LTBP1: variants seen among roughly 807,000 people sequenced by gnomAD.
LTBP1 encodes the protein latent transforming growth factor beta binding protein 1, also known as latent-transforming growth factor beta-binding protein 1.
In LTBP1, 129 loss-of-function variants were observed where a neutral mutation model predicts 207.6. The ratio of observed to expected loss-of-function variants is 0.62; its 90% CI spans 0.54 to 0.72. The LOEUF is 0.72. Ranked by LOEUF, LTBP1 falls within the 30% of genes least tolerant of loss-of-function variation. LTBP1 has a pLI of 0.00. For missense variants in LTBP1, 2,281 were observed against 2,217.2 expected (o/e 1.03, Z -0.58); for synonymous variants, 963 against 833.7 (o/e 1.16, Z -2.67).
At chr2:33,285,192 C>T (rs890562043) in intron 19 of LTBP1, among the ~76,000 whole-genome samples, 3 of 151,468 alleles carry the variant, frequency 2.0e-5, no homozygotes, top group African/African-American at 7.3e-5. Context: ...CAGGTGCCCG[C>T]CACCACGCTT....
intron 31 of LTBP1, among the ~76,000 whole-genome samples, chr2:33,375,019 G>A (rs2095119387): frequency 6.6e-6 from 1 of 152,116 alleles, no homozygotes; most frequent in African/African-American, 2.4e-5. Flanking sequence ...CCAAAGAAAG[G>A]TTGAAAATAC....
intron 5 of LTBP1, among the ~76,000 whole-genome samples, chr2:33,175,496 A>C (rs570470554): frequency 1.3e-5 from 2 of 152,206 alleles, no homozygotes; most frequent in Non-Finnish European, 2.9e-5. Flanking sequence ...TTAAAAAGTC[A>C]GGAAACAACA....
chr2:33,232,333 G>A (rs370141770), intron 9 of LTBP1, among the ~76,000 whole-genome samples: 65 of 152,316 alleles, frequency 4.3e-4, no homozygotes, highest in Middle Eastern at 6.8e-3. Flanking sequence ...AGAGGGTTCA[G>A]AGGAGCCTGA....
intron 5 of LTBP1, among the ~76,000 whole-genome samples, chr2:33,184,570 T>C (rs956979087): frequency 3.3e-5 from 5 of 152,324 alleles, no homozygotes; most frequent in Admixed American, 1.3e-4. Context: ...TAGAAATGTC[T>C]TTTCTCCTCT....
At chr2:33,219,876 TA>T (rs2090985478) in intron 8 of LTBP1, among the ~76,000 whole-genome samples, 1 of 152,170 alleles carries the variant, frequency 6.6e-6, no homozygotes, top group Non-Finnish European at 1.5e-5. Context: ...TTTTAATCCC[TA>T]ACTTCCACTC....
intron 19 of LTBP1, among the ~76,000 whole-genome samples, chr2:33,289,880 G>T (rs1233408577): frequency 6.6e-6 from 1 of 152,156 alleles, no homozygotes; most frequent in Non-Finnish European, 1.5e-5. Flanking sequence ...AGGCAACCAT[G>T]GGGTGGATGG....
intron 5 of LTBP1, among the ~76,000 whole-genome samples, chr2:33,140,807 A>G (rs1020876269): frequency 1.3e-5 from 2 of 151,880 alleles, no homozygotes; most frequent in African/African-American, 2.4e-5. Context: ...AGCTGGGATT[A>G]CAGGCACCTG....
At chr2:32,984,121 G>T (rs1022432507) in intron 2 of LTBP1, among the ~76,000 whole-genome samples, 8 of 152,132 alleles carry the variant, frequency 5.3e-5, no homozygotes, top group African/African-American at 1.7e-4. Flanking sequence ...CACTCTTTAA[G>T]AATGACTTTT....
At chr2:33,216,592 G>A (rs568370350) in intron 7 of LTBP1, among the ~76,000 whole-genome samples, 1 of 152,286 alleles carries the variant, frequency 6.6e-6, no homozygotes, top group Admixed American at 6.5e-5. Context: ...AAACTGTTGG[G>A]AGGATTTTTG....
chr2:33,065,644 G>T (rs1428064424), intron 3 of LTBP1, among the ~76,000 whole-genome samples: 8 of 152,088 alleles, frequency 5.3e-5, no homozygotes, highest in African/African-American at 2.4e-5. Context: ...CCTTTTTAAA[G>T]AATTTTTCCA....
intron 3 of LTBP1, among the ~76,000 whole-genome samples, chr2:33,022,074 A>C (rs1455725604): frequency 1.3e-5 from 2 of 152,142 alleles, no homozygotes; most frequent in Non-Finnish European, 2.9e-5. Flanking sequence ...ACTTGCTTGG[A>C]ATTTAGAATG....
chr2:33,199,095 T>G (rs1264344820), intron 7 of LTBP1, among the ~76,000 whole-genome samples: 3 of 152,162 alleles, frequency 2.0e-5, no homozygotes, highest in South Asian at 2.1e-4. Flanking sequence ...TCTGGTATGT[T>G]GTGTCTTTGT....
At chr2:32,973,886 A>G (rs188970094) in intron 2 of LTBP1, among the ~76,000 whole-genome samples, 1 of 152,326 alleles carries the variant, frequency 6.6e-6, no homozygotes, top group East Asian at 1.9e-4. Flanking sequence ...GTCACTTAAC[A>G]TGATGACTTC....
At chr2:33,015,378 A>G (rs944926914) in intron 2 of LTBP1, among the ~76,000 whole-genome samples, 1 of 152,198 alleles carries the variant, frequency 6.6e-6, no homozygotes, top group Non-Finnish European at 1.5e-5. Context: ...ACCATTGGCC[A>G]TCTTTCCTTT....
chr2:33,187,157 G>C, intron 6 of LTBP1, 77 bp downstream of exon 6: 2 of 1,291,896 alleles, frequency 1.5e-6, no homozygotes, highest in South Asian at 2.7e-5. Flanking sequence ...AGGATCTGCG[G>C]GTGGCCAGGG....
intron 8 of LTBP1, among the ~76,000 whole-genome samples, chr2:33,219,569 A>G (rs1196065424): frequency 1.3e-5 from 2 of 151,988 alleles, no homozygotes; most frequent in Non-Finnish European, 1.5e-5. Context: ...CTCTTTGTTT[A>G]CCATGTCTGT....
intron 3 of LTBP1, among the ~76,000 whole-genome samples, chr2:33,082,981 T>G (rs2078533476): frequency 6.6e-6 from 1 of 152,074 alleles, no homozygotes; most frequent in Non-Finnish European, 1.5e-5. Flanking sequence ...CTCTTTGCTG[T>G]GTGGGAAGCT....
intron 3 of LTBP1, among the ~76,000 whole-genome samples, chr2:33,046,441 G>A (rs184661012): frequency 6.6e-6 from 1 of 152,302 alleles, no homozygotes; most frequent in East Asian, 1.9e-4. Flanking sequence ...TGTTGAACCA[G>A]CCTTGCCTCC....
intron 2 of LTBP1, among the ~76,000 whole-genome samples, chr2:33,003,903 A>G (rs1017218831): frequency 5.3e-5 from 8 of 152,190 alleles, no homozygotes; most frequent in South Asian, 4.1e-4. Context: ...TTCTGCAAGG[A>G]CATCTGCCCA....
Sources: allele counts gnomAD v4.1 joint callset (sites outside exome capture counted in the v4.1 genomes callset), GRCh38; gene constraint gnomAD v4.1.1; transcripts MANE v1.5; gene names NCBI Gene and HGNC (gene_info 2026-07-23, HGNC 2026-07-21).